The following ANTXR1 variants were observed in gnomAD, a reference collection of about 807,000 sequenced individuals.
ANTXR1 encodes the protein ANTXR cell adhesion molecule 1.
Under a neutral mutation model 78.1 loss-of-function variants are expected in ANTXR1, and 19 were observed. That is an observed-to-expected ratio of 0.24 (90% confidence interval 0.17 to 0.36). ANTXR1 has a LOEUF of 0.36. Ranked by LOEUF, ANTXR1 falls within the 10% of genes least tolerant of loss-of-function variation. The pLI is 1.00. For synonymous variants in ANTXR1, 273 were observed against 260.5 expected (o/e 1.05, Z -0.46); for missense variants, 518 against 718.6 (o/e 0.72, Z 3.19).
At chr2:69,115,550 C>T (rs1672115101) in intron 10 of ANTXR1, among the ~76,000 whole-genome samples, 1 of 152,168 alleles carries the variant, frequency 6.6e-6, no homozygotes, top group African/African-American at 2.4e-5. Flanking sequence ...AAACCTTGCC[C>T]ATGGTGACAT....
intron 13 of ANTXR1, among the ~76,000 whole-genome samples, chr2:69,160,473 A>G (rs897935829): frequency 5.9e-5 from 9 of 152,116 alleles, no homozygotes; most frequent in Admixed American, 1.3e-4. Flanking sequence ...CTGCTTCCTC[A>G]TATTCGTACC....
rs572574015 is a variant in ANTXR1, at chr2:69,170,123, C to T, written c.1048-125C>T. ...CACCTCTCATGGCAGTGATTAAGCC[C>T]GACTTGCTGGGGCCATTGCCATGGT... is the stretch of plus-strand genomic sequence containing the variant. On this transcript the variant is annotated intron_variant, in intron 13 of 17. Transcript: ENST00000303714. The T allele has an allele frequency of 1.1e-5, 11 of 1,028,780 alleles. No homozygotes were observed. The African/African-American group carries it at 1.4e-4, about 13-fold the overall frequency. The allele number at this position is 1,028,780 out of a possible 1,614,324, so 63.7% of individuals were successfully genotyped here.
At chr2:69,067,972 G>C (rs1212458122) in intron 3 of ANTXR1, among the ~76,000 whole-genome samples, 1 of 152,194 alleles carries the variant, frequency 6.6e-6, no homozygotes, top group African/African-American at 2.4e-5. Flanking sequence ...ACAACCTAGA[G>C]AATGATTTTT....
intron 17 of ANTXR1, among the ~76,000 whole-genome samples, chr2:69,233,511 A>T (rs534224697): frequency 4.7e-4 from 71 of 152,142 alleles, no homozygotes; most frequent in African/African-American, 1.7e-3. Context: ...TTCTGATAGA[A>T]TTTAAAATAT....
At chr2:69,137,798 A>AAAAAC (rs1198709051) in intron 12 of ANTXR1, among the ~76,000 whole-genome samples, 1 of 151,646 alleles carries the variant, frequency 6.6e-6, no homozygotes, top group Non-Finnish European at 1.5e-5. Context: ...AAAAAAAAAA[A>AAAAAC]AAAACAGTGG....
intron 16 of ANTXR1, among the ~76,000 whole-genome samples, chr2:69,183,637 G>T (rs1452349235): frequency 4.0e-5 from 3 of 75,066 alleles, no homozygotes; most frequent in African/African-American, 7.7e-5. Flanking sequence ...GGCCTGTCTT[G>T]CACTCCTGAT....
intron 8 of ANTXR1, among the ~76,000 whole-genome samples, chr2:69,086,415 CTT>C (rs1169576602): frequency 6.6e-6 from 1 of 152,246 alleles, no homozygotes; most frequent in Non-Finnish European, 1.5e-5. Flanking sequence ...TGGCAAAGTT[CTT>C]GTACATCCGC....
intron 10 of ANTXR1, among the ~76,000 whole-genome samples, chr2:69,121,311 C>A (rs928830337): frequency 2.0e-5 from 3 of 152,206 alleles, no homozygotes; most frequent in African/African-American, 7.2e-5. Context: ...TCTCTCCTGC[C>A]TCCTATAAAA....
intron 14 of ANTXR1, among the ~76,000 whole-genome samples, chr2:69,173,306 T>C (rs1275908429): frequency 6.6e-6 from 1 of 152,240 alleles, no homozygotes; most frequent in Non-Finnish European, 1.5e-5. Flanking sequence ...ATCTGATATT[T>C]CTAGTCTTCA....
At chr2:69,203,050 C>G (rs1424371068) in intron 17 of ANTXR1, among the ~76,000 whole-genome samples, 2 of 148,586 alleles carry the variant, frequency 1.3e-5, no homozygotes, top group African/African-American at 4.8e-5. Context: ...TGAAGTCTTA[C>G]ATGAAAGTCG....
intron 9 of ANTXR1, among the ~76,000 whole-genome samples, chr2:69,096,570 C>A (rs1034499957): frequency 6.6e-6 from 1 of 151,890 alleles, no homozygotes; most frequent in Admixed American, 6.5e-5. Context: ...GGAGAGAGAA[C>A]CTTCCCAGAA....
chr2:69,105,260 T>G (rs1360142825), intron 10 of ANTXR1, among the ~76,000 whole-genome samples: 1 of 152,220 alleles, frequency 6.6e-6, no homozygotes, highest in Non-Finnish European at 1.5e-5. Flanking sequence ...ATGCACAGGC[T>G]TGTCACCTCA....
intron 11 of ANTXR1, among the ~76,000 whole-genome samples, chr2:69,124,334 C>G (rs1672457844): frequency 6.6e-6 from 1 of 152,188 alleles, no homozygotes; most frequent in Non-Finnish European, 1.5e-5. Context: ...CCTTAATATA[C>G]CAGCCAAGCA....
intron 8 of ANTXR1, among the ~76,000 whole-genome samples, chr2:69,079,710 G>A (rs139525990): frequency 2.8e-4 from 42 of 152,322 alleles, no homozygotes; most frequent in African/African-American, 9.1e-4. Flanking sequence ...GCTTGCATAC[G>A]TGGGAGGGAG....
At chr2:69,133,198 C>T (rs1260870464) in intron 12 of ANTXR1, among the ~76,000 whole-genome samples, 3 of 152,194 alleles carry the variant, frequency 2.0e-5, no homozygotes, top group Admixed American at 1.3e-4. Context: ...AAAACTCTAT[C>T]CCATGAGTGT....
chr2:69,158,490 T>C (rs1394603179), intron 13 of ANTXR1, among the ~76,000 whole-genome samples: 2 of 152,238 alleles, frequency 1.3e-5, no homozygotes, highest in Non-Finnish European at 2.9e-5. Context: ...TTGCTCATTC[T>C]ATCACAAGTA....
intron 1 of ANTXR1, among the ~76,000 whole-genome samples, chr2:69,023,241 G>C (rs1046133026): frequency 6.6e-6 from 1 of 152,044 alleles, no homozygotes; most frequent in Non-Finnish European, 1.5e-5. Context: ...TTTGGCACAT[G>C]AGTGCTGAGA....
chr2:69,061,817 T>G (rs1230541490), intron 3 of ANTXR1, among the ~76,000 whole-genome samples: 1 of 152,238 alleles, frequency 6.6e-6, no homozygotes, highest in Non-Finnish European at 1.5e-5. Context: ...GCATCTAGTA[T>G]TTTTCTTTCT....
intron 14 of ANTXR1, 61 bp downstream of exon 14, chr2:69,170,350 G>C: frequency 6.3e-7 from 1 of 1,598,400 alleles, no homozygotes; most frequent in Non-Finnish European, 8.6e-7. Flanking sequence ...GTGGAGAGCT[G>C]GCTGGGCAGC....
Sources: allele counts gnomAD v4.1 joint callset (sites outside exome capture counted in the v4.1 genomes callset), GRCh38; gene constraint gnomAD v4.1.1; transcripts MANE v1.5; gene names NCBI Gene and HGNC (gene_info 2026-07-23, HGNC 2026-07-21).